Variants in MAP3K9 observed in about 807,000 individuals in gnomAD.
The protein encoded by MAP3K9 is mixed lineage kinase 1 (tyr and ser/thr specificity).
In MAP3K9, 46 loss-of-function variants were observed where a neutral mutation model predicts 95.8. That is an observed-to-expected ratio of 0.48 (90% CI 0.38 to 0.61). The LOEUF is 0.61. Ranked by LOEUF, MAP3K9 falls within the 20% of genes least tolerant of loss-of-function variation. The pLI is 0.00. For missense variants in MAP3K9, 1,296 were observed against 1,474.3 expected (o/e 0.88, Z 1.98); for synonymous variants, 533 against 593.8 (o/e 0.90, Z 1.49).
rs1594815083 is a variant in MAP3K9 at position 70,801,224 on chromosome 14, A to G, written c.407-144T>C. 3 of 733,874 alleles carry G rather than the reference A, an allele frequency of 4.1e-6. No homozygotes were observed. The East Asian group carries it at 8.1e-5, about 20-fold the overall frequency. 45.5% of individuals were successfully genotyped at this position (733,874 alleles called of 1,614,324 possible). A position where few individuals can be genotyped will look rare whatever the true frequency, so the allele number is the denominator to read the frequency against. On this transcript the variant is annotated intron_variant, in intron 1 of 11. Coordinates refer to ENST00000554752, the MANE Select transcript of MAP3K9 (RefSeq NM_001284230.2). ...CTCCCCATTATAAAGCAAATTCCAT[A>G]AGGGCAGGAACTGCAATCAACTTAT...
At chr14:70,790,165 C>T (rs2054791636) in intron 2 of MAP3K9, among the ~76,000 whole-genome samples, 1 of 152,152 alleles carries the variant, frequency 6.6e-6, no homozygotes, top group Admixed American at 6.5e-5. Flanking sequence ...TCTGTCATGC[C>T]CTGAGCAGCA....
At chr14:70,756,582 G>A (rs997421608) in intron 3 of MAP3K9, among the ~76,000 whole-genome samples, 35 of 152,212 alleles carry the variant, frequency 2.3e-4, no homozygotes, top group Admixed American at 5.2e-4. Flanking sequence ...GCAGAGATGT[G>A]TACAACTTCT....
intron 2 of MAP3K9, among the ~76,000 whole-genome samples, chr14:70,764,042 T>C (rs36047993): frequency 0.56 from 81,271 of 143,894 alleles, 23,167 homozygotes; most frequent in Middle Eastern, 0.66. Flanking sequence ...AAAAATTAGC[T>C]GGGCGCGGTG....
intron 3 of MAP3K9, among the ~76,000 whole-genome samples, chr14:70,758,652 C>G (rs1037659734): frequency 3.3e-5 from 5 of 152,184 alleles, no homozygotes; most frequent in African/African-American, 1.2e-4. Flanking sequence ...CAAAAACAAC[C>G]CAAATGCCCA....
At chr14:70,744,723 G>C (rs2054121913) in intron 5 of MAP3K9, among the ~76,000 whole-genome samples, 2 of 152,212 alleles carry the variant, frequency 1.3e-5, no homozygotes, top group Non-Finnish European at 2.9e-5. Flanking sequence ...ACTGCTCAAT[G>C]AGCACAGGAG....
intron 3 of MAP3K9, among the ~76,000 whole-genome samples, chr14:70,751,100 C>T (rs1016665631): frequency 6.6e-6 from 1 of 152,190 alleles, no homozygotes; most frequent in Non-Finnish European, 1.5e-5. Context: ...TAGACCACAT[C>T]GGTAGAACAG....
At chr14:70,807,693 T>G (rs947341567) in intron 1 of MAP3K9, among the ~76,000 whole-genome samples, 2 of 152,152 alleles carry the variant, frequency 1.3e-5, no homozygotes, top group African/African-American at 4.8e-5. Flanking sequence ...AACAATACCT[T>G]TTTAACAGAT....
At chr14:70,752,772 G>A (rs533635019) in intron 3 of MAP3K9, among the ~76,000 whole-genome samples, 2 of 152,234 alleles carry the variant, frequency 1.3e-5, no homozygotes, top group African/African-American at 4.8e-5. Flanking sequence ...AATATGTTCT[G>A]TTTGTGTCCC....
At chr14:70,805,364 T>C (rs2054978899) in intron 1 of MAP3K9, among the ~76,000 whole-genome samples, 1 of 152,194 alleles carries the variant, frequency 6.6e-6, no homozygotes, top group Admixed American at 6.5e-5. Flanking sequence ...AACTCTCTTG[T>C]TAGAGAAACT....
intron 2 of MAP3K9, among the ~76,000 whole-genome samples, chr14:70,763,215 T>C (rs780262513): frequency 2.6e-5 from 4 of 152,222 alleles, no homozygotes; most frequent in Non-Finnish European, 5.9e-5. Flanking sequence ...AAGAGTGCAT[T>C]GTGTAAACCT....
intron 4 of MAP3K9, 101 bp downstream of exon 4, chr14:70,749,832 C>T: frequency 7.1e-7 from 1 of 1,401,486 alleles, no homozygotes; most frequent in Non-Finnish European, 9.9e-7. Flanking sequence ...GAAACTTTAT[C>T]TCCTCTTTCA....
intron 8 of MAP3K9, among the ~76,000 whole-genome samples, chr14:70,736,781 T>A (rs964635708): frequency 5.9e-5 from 9 of 152,190 alleles, no homozygotes; most frequent in Non-Finnish European, 1.3e-4. Flanking sequence ...GAATCTGCCA[T>A]CCCCCAAGGA....
chr14:70,735,117 C>T (rs2053965988), intron 9 of MAP3K9, among the ~76,000 whole-genome samples: 1 of 152,222 alleles, frequency 6.6e-6, no homozygotes, highest in Non-Finnish European at 1.5e-5. Flanking sequence ...GAAGCAGAGC[C>T]CTTGGTCTGT....
intron 5 of MAP3K9, among the ~76,000 whole-genome samples, chr14:70,748,051 G>C (rs2054172975): frequency 6.7e-6 from 1 of 149,098 alleles, no homozygotes; most frequent in Admixed American, 6.7e-5. Context: ...AGCCTGCAGT[G>C]AGCTGAGATC....
intron 9 of MAP3K9, among the ~76,000 whole-genome samples, chr14:70,734,828 G>C (rs796511227): frequency 4.6e-5 from 7 of 152,324 alleles, no homozygotes; most frequent in African/African-American, 1.4e-4. Context: ...CATCTCAAGA[G>C]AGAAGCACTC....
chr14:70,754,500 C>T (rs2054271909), intron 3 of MAP3K9, among the ~76,000 whole-genome samples: 1 of 152,140 alleles, frequency 6.6e-6, no homozygotes, highest in Non-Finnish European at 1.5e-5. Context: ...GAGACAGAGT[C>T]TTGCTCTGTC....
intron 6 of MAP3K9, among the ~76,000 whole-genome samples, chr14:70,741,592 A>C (rs1439427545): frequency 1.3e-5 from 2 of 152,222 alleles, no homozygotes; most frequent in Non-Finnish European, 2.9e-5. Flanking sequence ...TGTTTATTCA[A>C]CTGATGTGTG....
rs943524493 is a variant in MAP3K9 at position 70,800,607 on chromosome 14, C to T, written c.820+60G>A. ...TCCATTAGAAGTCCACTCCTACTGA[C>T]GTCGTGGGATACAACTGCAACTGCT... On this transcript the variant is annotated intron_variant, in intron 2 of 11. Coordinates refer to ENST00000554752, the MANE Select transcript of MAP3K9 (RefSeq NM_001284230.2). 81 of 1,538,094 alleles carry T rather than the reference C, an allele frequency of 5.3e-5. No individual in the cohort carries two copies. The East Asian group carries it at 7.7e-4, about 15-fold the overall frequency.
chr14:70,786,592 C>T lies in MAP3K9; in HGVS notation c.820+14075G>A, dbSNP rs556022910. 1.3e-4 allele frequency among the ~76,000 whole-genome samples: 20 copies of T among 152,200 alleles called. 1 individual carries two copies. In the South Asian group the frequency reaches 4.1e-3, roughly 32 times the overall value. On this transcript the variant is annotated intron_variant, in intron 2 of 11. Coordinates refer to ENST00000554752, the MANE Select transcript of MAP3K9 (RefSeq NM_001284230.2). ...CAAGGAAATTGTCCCCCTGGTTCCT[C>T]GAATGGGGTACAGATCCTGTTTCCA...
Sources: allele counts gnomAD v4.1 joint callset (sites outside exome capture counted in the v4.1 genomes callset), GRCh38; gene constraint gnomAD v4.1.1; transcripts MANE v1.5; gene names NCBI Gene and HGNC (gene_info 2026-07-23, HGNC 2026-07-21).